Variants in GOLGA8A observed in about 807,000 individuals in gnomAD.
The protein encoded by GOLGA8A is golgin A8 family member A.
GOLGA8A carries 3 observed loss-of-function variants against 22.1 expected under a neutral mutation model. The ratio of observed to expected loss-of-function variants is 0.14; its 90% CI spans 0.06 to 0.35. The LOEUF (loss-of-function observed/expected upper bound fraction) is 0.35. Ranked by LOEUF, GOLGA8A falls within the 10% of genes least tolerant of loss-of-function variation. The probability of loss-of-function intolerance (pLI) is 1.00; values close to 1 mark genes in which losing one functional copy is unlikely to be tolerated. For missense variants in GOLGA8A, 16 were observed against 233.2 expected (o/e 0.07, Z 6.07); for synonymous variants, 7 against 91.7 (o/e 0.08, Z 5.28).
At chr15:34,434,884 G>T (rs769731796) in intron 2 of GOLGA8A, among the ~76,000 whole-genome samples, 2 of 149,546 alleles carry the variant, frequency 1.3e-5, no homozygotes, top group African/African-American at 2.5e-5. Flanking sequence ...GCCTGTGAGT[G>T]GTACAGCCAG....
chr15:34,427,996 G>C (rs1893057493), intron 2 of GOLGA8A, among the ~76,000 whole-genome samples: 1 of 148,860 alleles, frequency 6.7e-6, no homozygotes, highest in African/African-American at 2.5e-5. Flanking sequence ...TTAGATGTCT[G>C]ATTAAAATCA....
chr15:34,433,474 T>C (rs1197525852), intron 2 of GOLGA8A, among the ~76,000 whole-genome samples: 1 of 149,320 alleles, frequency 6.7e-6, no homozygotes, highest in African/African-American at 2.5e-5. Context: ...GCTGGTTACC[T>C]TCCCAAACAC....
At chr15:34,422,850 T>A (rs1892839919) in intron 2 of GOLGA8A, among the ~76,000 whole-genome samples, 2 of 109,478 alleles carry the variant, frequency 1.8e-5, no homozygotes. Flanking sequence ...CCAACCAAGG[T>A]GTCTAGGAGC....
At position 34,379,267 on chromosome 15, in the gene GOLGA8A, C is replaced by G. The variant is rs548849989; in HGVS notation, c.*2144G>C. The G allele has an allele frequency of 2.0e-5, 3 of 152,682 alleles. No individual in the cohort carries two copies. The East Asian group carries it at 5.8e-4, about 29-fold the overall frequency. The allele number at this position is 152,682 out of a possible 1,614,324, so 9.5% of individuals were successfully genotyped here. ...GGCATTTCTTTCTCTACTTTTCCTTCCCACCATTTCTTCCTTTTAAACTAC... is the reference window on the plus strand; with the variant it reads ...GGCATTTCTTTCTCTACTTTTCCTTGCCACCATTTCTTCCTTTTAAACTAC... On this transcript the variant is annotated 3_prime_UTR_variant, in exon 25 of 25. Transcript: ENST00000359187.
chr15:34,421,578 C>T (rs1336587773), intron 2 of GOLGA8A, among the ~76,000 whole-genome samples: 1 of 143,676 alleles, frequency 7.0e-6, no homozygotes, highest in Non-Finnish European at 1.5e-5. Context: ...AGTAAGTCCT[C>T]AAGAAGACTG....
rs1893040763 is a variant in GOLGA8A at position 34,427,611 on chromosome 15, C to G, written c.-1123+7772G>C. ...CTTTTCCTTGGATTCCTAGGACAAC[C>G]AACAGCTGTGGGACACTAGGCCAAG... is the stretch of plus-strand genomic sequence containing the variant. On this transcript the variant is annotated intron_variant, in intron 2 of 24. Coordinates refer to ENST00000359187, the MANE Select transcript of GOLGA8A (RefSeq NM_181077.5). 1.3e-5 allele frequency among the ~76,000 whole-genome samples: 2 copies of G among 148,576 alleles called. 1 individual carries two copies. The highest frequency in any genetic ancestry group is 4.3e-4 in the South Asian group (2 of 4,610).
intron 2 of GOLGA8A, among the ~76,000 whole-genome samples, chr15:34,424,103 G>A (rs1270718742): frequency 1.3e-5 from 2 of 148,558 alleles, no homozygotes; most frequent in Non-Finnish European, 3.0e-5. Flanking sequence ...GACAGCCCCC[G>A]CCAGACCACT....
intron 12 of GOLGA8A, among the ~76,000 whole-genome samples, chr15:34,386,204 A>G (rs1374162418): frequency 1.4e-5 from 2 of 144,736 alleles, no homozygotes; most frequent in Admixed American, 6.9e-5. Context: ...GGGCCTTTAA[A>G]TCTCAGACTC....
chr15:34,426,227 T>C (rs2644232), intron 2 of GOLGA8A, among the ~76,000 whole-genome samples: 79,873 of 149,210 alleles, frequency 0.54, 26,325 homozygotes, highest in Non-Finnish European at 0.66. Context: ...AACAGTCACA[T>C]ATTATGCAAG....
At chr15:34,416,124 T>C (rs1892563640) in intron 2 of GOLGA8A, 1 of 151,974 alleles carries the variant, frequency 6.6e-6, no homozygotes. Context: ...TTAAAGGAAG[T>C]CTCGGAGCCA....
Position 34,400,712 on chromosome 15 carries a change from C to T in GOLGA8A, c.-527G>A, listed in dbSNP as rs1892027191. 6.8e-6 allele frequency: 1 copy of T among 146,516 alleles called. No homozygotes were observed. Among genetic ancestry groups the T allele is most frequent in the Non-Finnish European group, 1.5e-5 (1 of 64,684 alleles). 9.1% of individuals were successfully genotyped at this position (146,516 alleles called of 1,614,324 possible). On this transcript the variant is annotated splice_region_variant and 5_prime_UTR_variant, in exon 6 of 25. Transcript: ENST00000359187. ...ATTAGCAAATTCAGGCAATACATACCGGATTCATACTTCAGGAAGACAACC... is the reference window on the plus strand; with the variant it reads ...ATTAGCAAATTCAGGCAATACATACTGGATTCATACTTCAGGAAGACAACC...
At chr15:34,433,725 G>C (rs577739698) in intron 2 of GOLGA8A, among the ~76,000 whole-genome samples, 1 of 149,652 alleles carries the variant, frequency 6.7e-6, no homozygotes, top group Non-Finnish European at 1.5e-5. Context: ...AGGCTCTGCT[G>C]TGTGCCAGGC....
intron 2 of GOLGA8A, chr15:34,418,137 A>G: frequency 1.0e-5 from 1 of 99,996 alleles, no homozygotes; most frequent in East Asian, 2.8e-4. Context: ...CTTTAAAAAA[A>G]AAAAAAAAAA....
chr15:34,417,037 G>A (rs1397037698), intron 2 of GOLGA8A: 3 of 135,870 alleles, frequency 2.2e-5, no homozygotes, highest in African/African-American at 9.4e-5. Flanking sequence ...ATACATGTTT[G>A]CTGGGGTTCT....
chr15:34,435,116 G>A (rs376133525), intron 2 of GOLGA8A, among the ~76,000 whole-genome samples: 1 of 149,420 alleles, frequency 6.7e-6, no homozygotes, highest in East Asian at 2.0e-4. Context: ...CACCGGGGCA[G>A]GTATGCATGG....
intron 2 of GOLGA8A, among the ~76,000 whole-genome samples, chr15:34,430,406 T>TAG (rs1893174885): frequency 6.7e-6 from 1 of 149,024 alleles, no homozygotes; most frequent in Non-Finnish European, 1.5e-5. Context: ...AAGGCACTTC[T>TAG]AGTAGGAGCT....
chr15:34,436,871 C>T (rs180975), intron 1 of GOLGA8A, among the ~76,000 whole-genome samples: 81,673 of 148,858 alleles, frequency 0.55, 26,827 homozygotes, highest in Non-Finnish European at 0.66. Flanking sequence ...TGAGTTTTTC[C>T]CTCTGGGCCT....
chr15:34,431,324 T>G (rs1372480013), intron 2 of GOLGA8A, among the ~76,000 whole-genome samples: 3 of 19,986 alleles, frequency 1.5e-4, no homozygotes, highest in Non-Finnish European at 3.1e-4. Context: ...TATATATATA[T>G]ATATATATAT....
In GOLGA8A at chr15:34,432,657, C is replaced by T. The variant is rs767567128; in HGVS notation, c.-1123+2726G>A. ...CCATCTTTAAATGTTGGAGTGTTTCCGTTTCCAGACAACTAGAGATGAAAA... is the reference window on the plus strand; with the variant it reads ...CCATCTTTAAATGTTGGAGTGTTTCTGTTTCCAGACAACTAGAGATGAAAA... On this transcript the variant is annotated intron_variant, in intron 2 of 24. Coordinates refer to ENST00000359187, the MANE Select transcript of GOLGA8A (RefSeq NM_181077.5). Among the ~76,000 whole-genome samples the T allele has an allele frequency of 1.7e-4, 26 of 149,310 alleles. 2 individuals carry two copies. The highest frequency in any genetic ancestry group is 2.8e-4 in the Non-Finnish European group (19 of 67,194).
Sources: gnomAD v4.1 joint callset for allele counts (sites outside exome capture counted in the v4.1 genomes callset) on GRCh38, gnomAD v4.1.1 for gene constraint, MANE v1.5 for transcripts, NCBI Gene and HGNC (gene_info 2026-07-23, HGNC 2026-07-21) for gene names.